The following ELP1 variants were observed in gnomAD, a reference collection of about 807,000 sequenced individuals.
ELP1 encodes elongator complex protein 1.
A neutral mutation model predicts 183.2 loss-of-function variants in ELP1; 131 were observed. The ratio of observed to expected loss-of-function variants is 0.72; its 90% CI spans 0.62 to 0.83. The LOEUF is 0.83. ELP1 is among the 40% of genes least tolerant of loss of function. The pLI is 0.00. For synonymous variants in ELP1, 555 were observed against 569.0 expected (o/e 0.98, Z 0.35); for missense variants, 1,550 against 1,594.9 (o/e 0.97, Z 0.48).
intron 36 of ELP1, among the ~76,000 whole-genome samples, chr9:108,873,858 T>C (rs1251127840): frequency 1.3e-5 from 2 of 151,982 alleles, no homozygotes; most frequent in Non-Finnish European, 2.9e-5. Context: ...CCATCTGTTT[T>C]TTTTTCTAAA....
chr9:108,869,178 A>G lies in ELP1; in HGVS notation c.3936T>C (p.Ala1312=). 1.2e-6 allele frequency: 2 copies of G among 1,614,036 alleles called. No individual in the cohort carries two copies. The highest frequency in any genetic ancestry group is 1.7e-6 in the Non-Finnish European group (2 of 1,179,872). ...QQKTSVPVLD[A]ELFIPPKINR... is the part of the protein sequence containing the mutation. The stretch of plus-strand genomic sequence containing the variant: ...TGATCTTTGGTGGTATAAAAAGCTC[A>G]GCATCTAAAAGCAAGAAAGGAAGGG... The change falls in exon 37 of 37, where the codon GCT becomes GCC. Residue 1312 remains alanine, a synonymous_variant. Transcript: ENST00000374647.
At chr9:108,922,063 G>C (rs550534417) in intron 6 of ELP1, among the ~76,000 whole-genome samples, 1 of 152,186 alleles carries the variant, frequency 6.6e-6, no homozygotes, top group Non-Finnish European at 1.5e-5. Context: ...AATGTAATCT[G>C]TACTTTTCTA....
intron 29 of ELP1, among the ~76,000 whole-genome samples, chr9:108,886,370 AAG>A (rs1233503214): frequency 5.9e-5 from 9 of 152,324 alleles, no homozygotes; most frequent in African/African-American, 1.7e-4. Context: ...AAACATGGCA[AAG>A]ACACGAAAAA....
intron 12 of ELP1, among the ~76,000 whole-genome samples, chr9:108,909,054 C>T (rs73512466): frequency 0.028 from 4,194 of 152,046 alleles, 187 homozygotes; most frequent in African/African-American, 0.097. Context: ...ATGCTTGGGA[C>T]GCTCTTACCC....
Position 108,894,071 on chromosome 9 carries a change from A to G in ELP1, c.2737-5T>C, listed in dbSNP as rs770710277. The stretch of plus-strand genomic sequence containing the variant: ...TGGAAGATATTCTTTGGGATCCTAA[A>G]AAAATGATTAATGAGAACTTTATTA... On this transcript the variant is annotated splice_polypyrimidine_tract_variant and splice_region_variant and intron_variant, in intron 25 of 36. Coordinates refer to ENST00000374647, the MANE Select transcript of ELP1 (RefSeq NM_003640.5). The G allele has an allele frequency of 7.0e-7, 1 of 1,432,580 alleles. No homozygotes were observed. The highest frequency in any genetic ancestry group is 1.2e-5 in the South Asian group (1 of 86,168). The allele number at this position is 1,432,580 out of a possible 1,614,324, so 88.7% of individuals were successfully genotyped here.
At chr9:108,918,361 G>GGTA (rs1829524639) in intron 8 of ELP1, among the ~76,000 whole-genome samples, 1 of 152,204 alleles carries the variant, frequency 6.6e-6, no homozygotes, top group Admixed American at 6.5e-5. Flanking sequence ...CAGCCTGCAT[G>GGTA]CTCCTTGGCA....
Position 108,925,712 on chromosome 9 carries a change from G to A in ELP1, c.466+811C>T, listed in dbSNP as rs112663174. ...TACTGTGCTGATACCACCAAGCCCAGCTAATTTTTAAATTCTTTGTAGATG... is the reference window on the plus strand; with the variant it reads ...TACTGTGCTGATACCACCAAGCCCAACTAATTTTTAAATTCTTTGTAGATG... On this transcript the variant is annotated intron_variant, in intron 5 of 36. Transcript: ENST00000374647. 1.9e-3 allele frequency among the ~76,000 whole-genome samples: 295 copies of A among 152,184 alleles called. 2 individuals are homozygous for A. Among genetic ancestry groups the A allele is most frequent in the African/African-American group, 6.7e-3 (278 of 41,532 alleles).
chr9:108,928,255 G>A (rs1829882045), intron 3 of ELP1, among the ~76,000 whole-genome samples: 2 of 152,276 alleles, frequency 1.3e-5, no homozygotes, highest in South Asian at 2.1e-4. Context: ...CAAGAGAATA[G>A]ACCTGTTATT....
At chr9:108,875,490 C>A in intron 35 of ELP1, 1 of 260,444 alleles carries the variant, frequency 3.8e-6, no homozygotes, top group Non-Finnish European at 7.6e-6. Context: ...TTAGTGCAGA[C>A]CCTTGGTGGC....
chr9:108,919,236 G>C lies in ELP1; in HGVS notation c.649+17C>G, dbSNP rs1304729922. ...AAAAATTTTTTATTGTTGTTTAACT[G>C]CAATATATTTCCATACCTGTTTCTG... is the stretch of plus-strand genomic sequence containing the variant. On this transcript the variant is annotated intron_variant, in intron 7 of 36. Transcript: ENST00000374647. The C allele has an allele frequency of 2.6e-6, 4 of 1,556,800 alleles. No homozygotes were observed. The highest frequency in any genetic ancestry group is 3.5e-6 in the Non-Finnish European group (4 of 1,128,680).
At chr9:108,895,813 G>A (rs529367666) in intron 25 of ELP1, among the ~76,000 whole-genome samples, 1 of 152,276 alleles carries the variant, frequency 6.6e-6, no homozygotes, top group African/African-American at 2.4e-5. Flanking sequence ...AGGAAAGGAG[G>A]CCATGAGCCT....
At chr9:108,875,066 G>A (rs191650230) in intron 35 of ELP1, 96 bp from the exon 36 acceptor site, 3 of 818,940 alleles carry the variant, frequency 3.7e-6, no homozygotes, top group East Asian at 2.5e-5. Flanking sequence ...AAAACAGCCT[G>A]TCATTTCTAC....
intron 10 of ELP1, among the ~76,000 whole-genome samples, chr9:108,914,413 A>AAG (rs1491236727): frequency 1.3e-3 from 115 of 88,940 alleles, no homozygotes; most frequent in African/African-American, 1.6e-3. Context: ...AAAAAAAAAA[A>AAG]GGGGGGGGGG....
At chr9:108,931,332 C>T (rs1829998430) in intron 1 of ELP1, 131 bp from the exon 2 acceptor site, 2 of 616,876 alleles carry the variant, frequency 3.2e-6, no homozygotes, top group Admixed American at 5.2e-5. Context: ...TCTCTGAGTA[C>T]ACACCCATGT....
Position 108,927,417 on chromosome 9 carries a change from C to T in ELP1, c.340G>A (p.Val114Ile). The T allele has an allele frequency of 6.2e-7, 1 of 1,613,926 alleles. No individual in the cohort carries two copies. Among genetic ancestry groups the T allele is most frequent in the Non-Finnish European group, 8.5e-7 (1 of 1,179,868 alleles). ...CVGSVASGIS[V>I]MSWSPDQELV... is the part of the protein sequence containing the mutation. ...TCTTGGTCAGGACTCCAACTCATAA[C>T]AGAGATACCACTGGCTACACTCCCA... Residue 114 changes from valine (V) to isoleucine (I), a missense_variant, in exon 4 of 37, where the codon GTT (valine) becomes ATT (isoleucine). Transcript: ENST00000374647.
intron 34 of ELP1, 52 bp downstream of exon 34, chr9:108,878,571 C>T (rs1827787477): frequency 1.2e-6 from 2 of 1,611,626 alleles, no homozygotes; most frequent in Non-Finnish European, 1.7e-6. Flanking sequence ...GTCTGTACTG[C>T]CTATTCACTA....
At chr9:108,925,643 G>C (rs184470282) in intron 5 of ELP1, among the ~76,000 whole-genome samples, 27 of 152,168 alleles carry the variant, frequency 1.8e-4, no homozygotes, top group Admixed American at 3.3e-4. Context: ...CTAGTTACTC[G>C]TTTCCTTCCC....
chr9:108,880,175 CA>C lies in ELP1; in HGVS notation c.3347-11del. On this transcript the variant is annotated splice_polypyrimidine_tract_variant and intron_variant, in intron 31 of 36. Coordinates refer to ENST00000374647, the MANE Select transcript of ELP1 (RefSeq NM_003640.5). ...ATATAATTTTTCTGGGCTGGAGATG[CA>C]GAATGGAAAATAGTTTGAGCATGAG... is the stretch of plus-strand genomic sequence containing the variant. 6.4e-7 allele frequency: 1 copy of C among 1,557,018 alleles called. No homozygotes were observed. The highest frequency in any genetic ancestry group is 1.4e-5 in the African/African-American group (1 of 73,800).
chr9:108,888,310 T>A (rs559890550), intron 29 of ELP1, among the ~76,000 whole-genome samples: 1 of 152,284 alleles, frequency 6.6e-6, no homozygotes, highest in East Asian at 1.9e-4. Flanking sequence ...ATGTTCTAGA[T>A]CATGAGTGCA....
Sources: gnomAD v4.1 joint callset for allele counts (sites outside exome capture counted in the v4.1 genomes callset) on GRCh38, gnomAD v4.1.1 for gene constraint, MANE v1.5 for transcripts, NCBI Gene and HGNC (gene_info 2026-07-23, HGNC 2026-07-21) for gene names.